Variants in HRK observed in about 807,000 individuals in gnomAD.
HRK encodes harakiri, BCL2 interacting protein.
HRK carries 6 observed loss-of-function variants against 5.9 expected under a neutral mutation model. The observed-to-expected ratio is 1.02, with a 90% CI of 0.56 to 2.01. The LOEUF (loss-of-function observed/expected upper bound fraction) is 2.01, where lower values mean the gene tolerates loss of function less well. Ranked by LOEUF, HRK falls within the 30% of genes most tolerant of loss-of-function variation. The probability of loss-of-function intolerance (pLI) is 0.00; values close to 1 mark genes in which losing one functional copy is unlikely to be tolerated. For missense variants in HRK, 133 were observed against 128.3 expected, an observed-to-expected ratio of 1.04 and a Z score of -0.18; for synonymous variants, 85 against 65.1, an observed-to-expected ratio of 1.31 and a Z score of -1.47.
intron 1 of HRK, among the ~76,000 whole-genome samples, chr12:116,872,283 T>A (rs112006160): frequency 0.015 from 2,346 of 151,896 alleles, 88 homozygotes; most frequent in East Asian, 0.11. Context: ...GGCAGGAGAA[T>A]CTCTTGAACC....
chr12:116,880,898 C>T (rs2137257294), intron 1 of HRK, 78 bp downstream of exon 1: 2 of 558,338 alleles, frequency 3.6e-6, no homozygotes, highest in Non-Finnish European at 5.2e-6. Flanking sequence ...AAACTTGCCA[C>T]TCTCCCGCTC....
rs111833674 is a variant in HRK, at chr12:116,858,190, C to CA, written c.*3332dup. The CA allele has an allele frequency of 0.029, 4,160 of 143,258 alleles. 168 individuals carry two copies. The highest frequency in any genetic ancestry group is 0.12 in the East Asian group (596 of 4,832). The allele number at this position is 143,258 out of a possible 1,614,324, so 8.9% of individuals were successfully genotyped here. On this transcript the variant is annotated 3_prime_UTR_variant, in exon 2 of 2. Coordinates refer to ENST00000257572, the MANE Select transcript of HRK (RefSeq NM_003806.4). ...GAGATGCGCAGGGCCAAAAAAAACC[C>CA]AAAAAAAAACAAAACAGGAACTGGG...
At chr12:116,876,279 G>A (rs561468331) in intron 1 of HRK, among the ~76,000 whole-genome samples, 44 of 152,234 alleles carry the variant, frequency 2.9e-4, no homozygotes, top group Admixed American at 2.0e-3. Context: ...TGTCCTCCTC[G>A]GGCTCCCTCG....
At chr12:116,863,163 A>T (rs1477150718) in intron 1 of HRK, among the ~76,000 whole-genome samples, 2 of 152,244 alleles carry the variant, frequency 1.3e-5, no homozygotes, top group African/African-American at 2.4e-5. Flanking sequence ...TAGGAGAGAA[A>T]GTGGAAGGGA....
chr12:116,872,441 G>C (rs988126798), intron 1 of HRK, among the ~76,000 whole-genome samples: 2 of 152,028 alleles, frequency 1.3e-5, no homozygotes, highest in Non-Finnish European at 2.9e-5. Flanking sequence ...ATATGGAAAA[G>C]GTCAGGTTAC....
chr12:116,865,850 T>G (rs2137245744), intron 1 of HRK, among the ~76,000 whole-genome samples: 1 of 152,144 alleles, frequency 6.6e-6, no homozygotes, highest in Middle Eastern at 3.4e-3. Flanking sequence ...GGAGAGTAAA[T>G]AAGTGGCAAA....
intron 1 of HRK, among the ~76,000 whole-genome samples, chr12:116,872,526 C>T (rs1878789656): frequency 6.6e-6 from 1 of 152,088 alleles, no homozygotes; most frequent in South Asian, 2.1e-4. Context: ...ACCTATAATC[C>T]CAACACTTTG....
In HRK at chr12:116,877,188, C is replaced by A. The variant is rs969831860; in HGVS notation, c.*56+3788G>T. 3.3e-5 allele frequency among the ~76,000 whole-genome samples: 5 copies of A among 151,166 alleles called. No homozygotes were observed. In the Admixed American group the frequency reaches 3.3e-4, roughly 10 times the overall value. On this transcript the variant is annotated intron_variant, in intron 1 of 1. Transcript: ENST00000257572. ...ACCTCAGCCTCCTGAGTACCTGAGA[C>A]TACAGGTGCACACCACCATGCCCAG...
At chr12:116,877,940 C>G (rs1878997837) in intron 1 of HRK, among the ~76,000 whole-genome samples, 1 of 152,162 alleles carries the variant, frequency 6.6e-6, no homozygotes, top group Admixed American at 6.5e-5. Context: ...GAGTCTCGCT[C>G]TGTCGCCCAG....
Position 116,881,003 on chromosome 12 carries a change from C to T in HRK, c.*29G>A. On this transcript the variant is annotated 3_prime_UTR_variant, in exon 1 of 2. Coordinates refer to ENST00000257572, the MANE Select transcript of HRK (RefSeq NM_003806.4). ...GTTGCTCGCTCCGGCTGGGTCTCGG[C>T]TCCGGCCCCACCAAGAAGCCCCGCG... 1 of 1,312,540 alleles carries T rather than the reference C, an allele frequency of 7.6e-7. No homozygotes were observed. The highest frequency in any genetic ancestry group is 2.1e-5 in the South Asian group (1 of 47,138). 81.3% of individuals were successfully genotyped at this position (1,312,540 alleles called of 1,614,324 possible). A position where few individuals can be genotyped will look rare whatever the true frequency, so the allele number is the denominator to read the frequency against.
At position 116,857,290 on chromosome 12, in the gene HRK, A is replaced by G. The variant is rs1878186011; in HGVS notation, c.*4233T>C. Reference sequence around the variant, plus strand: ...CAATCAATATATGCTAAATGAATGAATGAGAATTTAAAAAATAAACTTTCA... The same window carrying G: ...CAATCAATATATGCTAAATGAATGAGTGAGAATTTAAAAAATAAACTTTCA... On this transcript the variant is annotated 3_prime_UTR_variant, in exon 2 of 2. Transcript: ENST00000257572. 1 of 152,250 alleles carries G rather than the reference A, an allele frequency of 6.6e-6. No homozygotes were observed. The highest frequency in any genetic ancestry group is 2.1e-4 in the South Asian group (1 of 4,830). 9.4% of individuals were successfully genotyped at this position (152,250 alleles called of 1,614,324 possible).
intron 1 of HRK, among the ~76,000 whole-genome samples, chr12:116,870,374 G>GAA (rs1878702768): frequency 6.6e-6 from 1 of 152,164 alleles, no homozygotes; most frequent in Non-Finnish European, 1.5e-5. Context: ...TCCCTGAAGT[G>GAA]GGGAGAGGCA....
rs1448262455 is a variant in HRK at position 116,878,295 on chromosome 12, C to A, written c.*56+2681G>T. ...GGGAATTGAAAGTGGTAGTTCCCAC[C>A]CTATATGGCTGGCACAGGCCTCCCT... On this transcript the variant is annotated intron_variant, in intron 1 of 1. Coordinates refer to ENST00000257572, the MANE Select transcript of HRK (RefSeq NM_003806.4). This position sits in a 1 kb window ranked among gnomAD's most constrained non-coding sequence, Gnocchi z 4.4. Among the ~76,000 whole-genome samples, 1 of 152,172 alleles carries A rather than the reference C, an allele frequency of 6.6e-6. No individual in the cohort carries two copies. Among genetic ancestry groups the A allele is most frequent in the Non-Finnish European group, 1.5e-5 (1 of 68,044 alleles).
At chr12:116,875,687 G>GCACA (rs1240798443) in intron 1 of HRK, among the ~76,000 whole-genome samples, 3 of 152,098 alleles carry the variant, frequency 2.0e-5, no homozygotes, top group Non-Finnish European at 4.4e-5. Flanking sequence ...GGGACTACAG[G>GCACA]CACACACCAT....
Position 116,861,251 on chromosome 12 carries a change from A to G in HRK, c.*272T>C, listed in dbSNP as rs1878356088. 6.6e-6 allele frequency: 1 copy of G among 152,198 alleles called. No homozygotes were observed. Among genetic ancestry groups the G allele is most frequent in the Non-Finnish European group, 1.5e-5 (1 of 68,052 alleles). 9.4% of individuals were successfully genotyped at this position (152,198 alleles called of 1,614,324 possible). On this transcript the variant is annotated 3_prime_UTR_variant, in exon 2 of 2. Transcript: ENST00000257572. ...ATTCATATTTTCTTTTTTTATATAT[A>G]TAGAGCTGTATGTAAATAGCATTGG... is the stretch of plus-strand genomic sequence containing the variant.
intron 1 of HRK, among the ~76,000 whole-genome samples, chr12:116,866,965 C>G (rs143336784): frequency 6.6e-6 from 1 of 152,162 alleles, no homozygotes; most frequent in East Asian, 2.0e-4. Flanking sequence ...CTTTCAGGAA[C>G]TTCACTTTTT....
At chr12:116,880,606 T>C (rs894917273) in intron 1 of HRK, among the ~76,000 whole-genome samples, 2 of 152,092 alleles carry the variant, frequency 1.3e-5, no homozygotes, top group African/African-American at 4.8e-5. Flanking sequence ...ATTTTAAGTA[T>C]TTGGCGTGGC....
intron 1 of HRK, among the ~76,000 whole-genome samples, chr12:116,874,362 T>G (rs1878861328): frequency 6.6e-6 from 1 of 152,218 alleles, no homozygotes; most frequent in African/African-American, 2.4e-5. Flanking sequence ...GGCTCCTTTC[T>G]GTCATTCAAG....
intron 1 of HRK, among the ~76,000 whole-genome samples, chr12:116,875,051 A>T (rs1271647386): frequency 1.3e-5 from 2 of 152,244 alleles, no homozygotes; most frequent in Non-Finnish European, 2.9e-5. Context: ...GGAAAAAAAA[A>T]TTTAAAAATA....
Sources: allele counts gnomAD v4.1 joint callset (sites outside exome capture counted in the v4.1 genomes callset), GRCh38; gene constraint gnomAD v4.1.1; non-coding constraint Gnocchi (gnomAD v3.1); transcripts MANE v1.5; gene names NCBI Gene and HGNC (gene_info 2026-07-23, HGNC 2026-07-21).